The following ADAM22 variants were observed in gnomAD, a reference collection of about 807,000 sequenced individuals.
ADAM22 encodes the protein disintegrin and metalloproteinase domain-containing protein 22.
In ADAM22, 65 loss-of-function variants were observed where a neutral mutation model predicts 144.6. The ratio of observed to expected loss-of-function variants is 0.45; its 90% CI spans 0.37 to 0.55. The LOEUF is 0.55. Ranked by LOEUF, ADAM22 falls within the 20% of genes least tolerant of loss-of-function variation. The pLI is 0.00. For synonymous variants in ADAM22, 391 were observed against 412.6 expected (o/e 0.95, Z 0.63); for missense variants, 974 against 1,184.9 (o/e 0.82, Z 2.61).
chr7:88,103,468 C>T (rs1211208239), intron 4 of ADAM22, among the ~76,000 whole-genome samples: 1 of 151,978 alleles, frequency 6.6e-6, no homozygotes, highest in African/African-American at 2.4e-5. Context: ...GGAAGATAAA[C>T]CAATAATAGA....
chr7:88,000,242 G>A (rs533410101), intron 3 of ADAM22, among the ~76,000 whole-genome samples: 1 of 151,982 alleles, frequency 6.6e-6, no homozygotes, highest in Admixed American at 6.6e-5. Flanking sequence ...CACTGTTTTG[G>A]TCTCTGTTTT....
chr7:88,130,546 T>G (rs1831502316), intron 10 of ADAM22, 87 bp downstream of exon 10: 2 of 1,356,412 alleles, frequency 1.5e-6, no homozygotes, highest in Non-Finnish European at 2.1e-6. Context: ...CTTATAGTTT[T>G]ACTGCTCTAT....
intron 15 of ADAM22, among the ~76,000 whole-genome samples, chr7:88,143,659 T>C (rs951819747): frequency 2.0e-5 from 3 of 152,234 alleles, no homozygotes; most frequent in Non-Finnish European, 4.4e-5. Context: ...CATCCTCTGG[T>C]TACTGACTAG....
At chr7:87,985,840 G>T (rs1333094955) in intron 3 of ADAM22, among the ~76,000 whole-genome samples, 2 of 152,148 alleles carry the variant, frequency 1.3e-5, no homozygotes, top group Non-Finnish European at 2.9e-5. Context: ...AAGTGGAATG[G>T]TTGGATCATA....
intron 2 of ADAM22, among the ~76,000 whole-genome samples, chr7:87,940,124 G>C (rs1291986775): frequency 1.4e-5 from 2 of 147,760 alleles, no homozygotes; most frequent in East Asian, 2.0e-4. Context: ...GGAGGTTGCA[G>C]TGAGCAGAGA....
At chr7:88,085,276 A>G (rs1818135297) in intron 4 of ADAM22, among the ~76,000 whole-genome samples, 1 of 152,236 alleles carries the variant, frequency 6.6e-6, no homozygotes, top group African/African-American at 2.4e-5. Flanking sequence ...GTCAGTTTGC[A>G]CAAGCATGGC....
At chr7:88,151,217 G>C (rs754572350) in intron 19 of ADAM22, 40 bp from the exon 20 acceptor site, 1 of 1,611,250 alleles carries the variant, frequency 6.2e-7, no homozygotes, top group Non-Finnish European at 8.5e-7. Flanking sequence ...GACATAAGCA[G>C]ATATTGCATC....
intron 2 of ADAM22, among the ~76,000 whole-genome samples, chr7:87,937,658 A>G (rs1026637794): frequency 6.6e-6 from 1 of 152,126 alleles, no homozygotes; most frequent in Non-Finnish European, 1.5e-5. Context: ...GATTCACAGG[A>G]GTCTTGACTT....
rs1256915254 is a variant in ADAM22, at chr7:88,143,142, A to G, written c.1320+17A>G. 6.2e-6 allele frequency: 9 copies of G among 1,455,882 alleles called. No individual in the cohort carries two copies. The African/African-American group carries it at 9.8e-5, about 16-fold the overall frequency. 90.2% of individuals were successfully genotyped at this position (1,455,882 alleles called of 1,614,324 possible). A position where few individuals can be genotyped will look rare whatever the true frequency, so the allele number is the denominator to read the frequency against. On this transcript the variant is annotated intron_variant, in intron 15 of 31. Coordinates refer to ENST00000413139, the MANE Select transcript of ADAM22 (RefSeq NM_001324418.2). Reference sequence around the variant, plus strand: ...CCTTCTAAGGTAATAAGTGTGGTTAATAAGGTTTATAATATTAATTATCAA... The same window carrying G: ...CCTTCTAAGGTAATAAGTGTGGTTAGTAAGGTTTATAATATTAATTATCAA...
At chr7:88,014,928 T>G (rs1796225005) in intron 3 of ADAM22, among the ~76,000 whole-genome samples, 1 of 151,446 alleles carries the variant, frequency 6.6e-6, no homozygotes, top group Non-Finnish European at 1.5e-5. Context: ...GTAGATCTGG[T>G]GGAGGAAGCC....
chr7:88,030,473 C>T (rs1048570860), intron 3 of ADAM22, among the ~76,000 whole-genome samples: 1 of 152,068 alleles, frequency 6.6e-6, no homozygotes. Flanking sequence ...ATAAGTCCCT[C>T]GTGCCTTATT....
At chr7:88,181,902 G>C in intron 28 of ADAM22, 56 bp from the exon 29 acceptor site, 1 of 1,494,202 alleles carries the variant, frequency 6.7e-7, no homozygotes. Context: ...CTCGTAATTA[G>C]ACATAGGGCA....
intron 22 of ADAM22, 87 bp downstream of exon 22, chr7:88,156,093 A>T (rs576871715): frequency 2.3e-4 from 335 of 1,444,426 alleles, no homozygotes; most frequent in Non-Finnish European, 3.0e-4. Flanking sequence ...CAATTAATGT[A>T]CATGTTAGTA....
chr7:88,118,355 G>A lies in ADAM22; in HGVS notation c.607+1541G>A, dbSNP rs113393643. On this transcript the variant is annotated intron_variant, in intron 7 of 31. Coordinates refer to ENST00000413139, the MANE Select transcript of ADAM22 (RefSeq NM_001324418.2). ...TCTCCCCTTCTCTCCTGCTGCCAGA[G>A]GGATAGAAGATTTAATAGAATTTAC... Among the ~76,000 whole-genome samples, 843 of 152,236 alleles carry A rather than the reference G, an allele frequency of 5.5e-3. 10 individuals carry two copies. The highest frequency in any genetic ancestry group is 0.037 in the East Asian group (191 of 5,172).
At chr7:88,145,027 G>A in intron 15 of ADAM22, 98 bp from the exon 16 acceptor site, 1 of 936,090 alleles carries the variant, frequency 1.1e-6, no homozygotes, top group South Asian at 1.6e-5. Flanking sequence ...TAGAATGACT[G>A]GCAGGGCAGG....
At chr7:87,991,407 C>T (rs911023955) in intron 3 of ADAM22, among the ~76,000 whole-genome samples, 15 of 137,660 alleles carry the variant, frequency 1.1e-4, no homozygotes, top group East Asian at 4.3e-4. Context: ...TCGCCCAGGC[C>T]GGAATGCGGA....
intron 3 of ADAM22, among the ~76,000 whole-genome samples, chr7:88,029,659 G>A (rs866412822): frequency 6.6e-6 from 1 of 152,090 alleles, no homozygotes; most frequent in East Asian, 1.9e-4. Context: ...GGACAGGTCT[G>A]GTGTTGATGA....
intron 30 of ADAM22, 54 bp downstream of exon 30, chr7:88,186,755 A>C (rs1848420567): frequency 9.0e-7 from 1 of 1,105,170 alleles, no homozygotes; most frequent in African/African-American, 1.6e-5. Flanking sequence ...GCACATACAA[A>C]TACTGTAGTG....
rs150169775 is a variant in ADAM22, at chr7:88,173,545, T to A, written c.2300+1984T>A. ...TTTTGAGAATATATGTTAGTGATTATAGACAAAGTGGTAAGGCCAACAGAC... is the reference window on the plus strand; with the variant it reads ...TTTTGAGAATATATGTTAGTGATTAAAGACAAAGTGGTAAGGCCAACAGAC... On this transcript the variant is annotated intron_variant, in intron 26 of 31. Coordinates refer to ENST00000413139, the MANE Select transcript of ADAM22 (RefSeq NM_001324418.2). Among the ~76,000 whole-genome samples, 4 of 152,214 alleles carry A rather than the reference T, an allele frequency of 2.6e-5. No individual in the cohort carries two copies. In the East Asian group the frequency reaches 7.7e-4, roughly 29 times the overall value.
Sources: allele counts gnomAD v4.1 joint callset (sites outside exome capture counted in the v4.1 genomes callset), GRCh38; gene constraint gnomAD v4.1.1; transcripts MANE v1.5; gene names NCBI Gene and HGNC (gene_info 2026-07-23, HGNC 2026-07-21).